PLCL1: variants seen among roughly 807,000 people sequenced by gnomAD.
PLCL1 encodes the protein phospholipase C like 1 (inactive).
A neutral mutation model predicts 84.4 loss-of-function variants in PLCL1; 41 were observed. That is an observed-to-expected ratio of 0.49 (90% CI 0.38 to 0.63). The LOEUF (loss-of-function observed/expected upper bound fraction) is 0.63, where lower values mean the gene tolerates loss of function less well. PLCL1 is among the 30% of genes least tolerant of loss of function. PLCL1 has a pLI of 0.00. For synonymous variants in PLCL1, 490 were observed against 488.3 expected (o/e 1.00, Z -0.05); for missense variants, 1,206 against 1,367.8 (o/e 0.88, Z 1.87).
At chr2:197,986,680 A>C (rs1391445960) in intron 1 of PLCL1, among the ~76,000 whole-genome samples, 1 of 152,192 alleles carries the variant, frequency 6.6e-6, no homozygotes, top group African/African-American at 2.4e-5. Context: ...ATTTAACATC[A>C]GATCAATTGC....
At chr2:197,974,546 CTGA>C (rs1393382302) in intron 1 of PLCL1, among the ~76,000 whole-genome samples, 1 of 152,220 alleles carries the variant, frequency 6.6e-6, no homozygotes, top group African/African-American at 2.4e-5. Context: ...TTTGCAAGTA[CTGA>C]TGATAGGCTC....
At chr2:198,022,098 G>A (rs771844754) in intron 1 of PLCL1, among the ~76,000 whole-genome samples, 3 of 152,076 alleles carry the variant, frequency 2.0e-5, no homozygotes, top group Non-Finnish European at 4.4e-5. Context: ...ATCAATTAAC[G>A]TAATCCATCA....
chr2:197,910,327 C>T (rs1236468575), intron 1 of PLCL1, among the ~76,000 whole-genome samples: 1 of 152,210 alleles, frequency 6.6e-6, no homozygotes, highest in Non-Finnish European at 1.5e-5. Context: ...GTACCATTCT[C>T]AGAGGACTGT....
At chr2:197,885,601 T>C (rs558773011) in intron 1 of PLCL1, among the ~76,000 whole-genome samples, 2 of 152,286 alleles carry the variant, frequency 1.3e-5, no homozygotes, top group African/African-American at 4.8e-5. Context: ...CCATGCAAGG[T>C]CCCGTCAAGT....
chr2:197,829,083 C>T (rs976281037), intron 1 of PLCL1, among the ~76,000 whole-genome samples: 3 of 152,128 alleles, frequency 2.0e-5, no homozygotes, highest in Non-Finnish European at 1.5e-5. Context: ...TCCAGATAAA[C>T]AGTACATAAG....
chr2:198,075,365 T>G (rs1038459086), intron 1 of PLCL1, among the ~76,000 whole-genome samples: 1 of 152,252 alleles, frequency 6.6e-6, no homozygotes, highest in Admixed American at 6.5e-5. Flanking sequence ...GGCTGCTGAA[T>G]AAATCGTCAG....
chr2:197,899,533 T>C (rs1434089362), intron 1 of PLCL1, among the ~76,000 whole-genome samples: 4 of 152,168 alleles, frequency 2.6e-5, no homozygotes, highest in African/African-American at 7.2e-5. Context: ...AGTCTTCAGC[T>C]AGTATAATCT....
At chr2:197,968,454 A>G (rs1027730400) in intron 1 of PLCL1, among the ~76,000 whole-genome samples, 6 of 152,232 alleles carry the variant, frequency 3.9e-5, no homozygotes, top group Non-Finnish European at 8.8e-5. Flanking sequence ...AATGATAATA[A>G]CAAAAGTATT....
intron 1 of PLCL1, among the ~76,000 whole-genome samples, chr2:197,947,237 A>ATATATATATATATATATATATAT (rs1689294732): frequency 4.9e-5 from 7 of 142,730 alleles, no homozygotes; most frequent in African/African-American, 1.8e-4. Flanking sequence ...TGCTTAGATA[A>ATATATATATATATATATATATAT]ATATATATAT....
intron 1 of PLCL1, among the ~76,000 whole-genome samples, chr2:197,906,841 C>T (rs1009281256): frequency 2.0e-5 from 3 of 152,128 alleles, no homozygotes; most frequent in Admixed American, 2.0e-4. Flanking sequence ...AATGGGAGTT[C>T]ACTCATGATT....
chr2:197,978,333 C>T (rs561439558), intron 1 of PLCL1, among the ~76,000 whole-genome samples: 50 of 152,004 alleles, frequency 3.3e-4, no homozygotes, highest in Non-Finnish European at 5.7e-4. Flanking sequence ...AAAGATTGGC[C>T]GGGCGTGGTG....
rs142301170 is a variant in PLCL1 at position 198,146,864 on chromosome 2, C to G, written c.3190C>G (p.Leu1064Val). The change falls in exon 6 of 6, where the codon CTG becomes GTG. Residue 1064 changes from leucine to valine, a missense_variant. Coordinates refer to ENST00000428675, the MANE Select transcript of PLCL1 (RefSeq NM_006226.4). ...CCAGCTGGCATGCCTGTCCTGTGGA[C>G]TGAGTAAAGCCCCCAGCAGCAGTGC... ...QIQLACLSCGLSKAPSSSAEA... is the reference protein window; with the variant it reads ...QIQLACLSCGVSKAPSSSAEA... The G allele has an allele frequency of 6.2e-7, 1 of 1,613,472 alleles. No homozygotes were observed. The highest frequency in any genetic ancestry group is 8.5e-7 in the Non-Finnish European group (1 of 1,179,738).
chr2:197,899,011 T>G (rs1474380663), intron 1 of PLCL1, among the ~76,000 whole-genome samples: 1 of 152,208 alleles, frequency 6.6e-6, no homozygotes, highest in Non-Finnish European at 1.5e-5. Context: ...AGCATATTTC[T>G]GTCTCCTTTT....
chr2:197,834,211 C>T (rs1178220182), intron 1 of PLCL1, among the ~76,000 whole-genome samples: 1 of 152,086 alleles, frequency 6.6e-6, no homozygotes, highest in East Asian at 1.9e-4. Flanking sequence ...CCATAAAAAA[C>T]CTAGGCAATA....
chr2:197,809,893 A>C (rs995607902), intron 1 of PLCL1, among the ~76,000 whole-genome samples: 1 of 151,944 alleles, frequency 6.6e-6, no homozygotes, highest in African/African-American at 2.4e-5. Context: ...AAATTAGTTA[A>C]AAATTTTAGG....
chr2:197,959,303 G>A (rs1390467648), intron 1 of PLCL1, among the ~76,000 whole-genome samples: 1 of 151,988 alleles, frequency 6.6e-6, no homozygotes, highest in Non-Finnish European at 1.5e-5. Flanking sequence ...TCTGAAATCA[G>A]TCTTCTCCAG....
chr2:197,979,571 C>G (rs1218764166), intron 1 of PLCL1, among the ~76,000 whole-genome samples: 1 of 152,192 alleles, frequency 6.6e-6, no homozygotes, highest in Non-Finnish European at 1.5e-5. Context: ...CACTTCTCTG[C>G]TTACGCACAT....
chr2:198,147,361 G>A lies in PLCL1; in HGVS notation c.*399G>A, dbSNP rs1259760956. The A allele has an allele frequency of 6.5e-6, 1 of 153,682 alleles. No homozygotes were observed. The highest frequency in any genetic ancestry group is 1.4e-5 in the Non-Finnish European group (1 of 69,040). 9.5% of individuals were successfully genotyped at this position (153,682 alleles called of 1,614,324 possible). On this transcript the variant is annotated 3_prime_UTR_variant, in exon 6 of 6. Coordinates refer to ENST00000428675, the MANE Select transcript of PLCL1 (RefSeq NM_006226.4). ...TTGTTTTAATCTGAAATTCTAAAGA[G>A]CACTTACTGTAACCTGTTGCTGTGT... is the stretch of plus-strand genomic sequence containing the variant.
chr2:197,890,989 G>A (rs1688016519), intron 1 of PLCL1, among the ~76,000 whole-genome samples: 1 of 150,806 alleles, frequency 6.6e-6, no homozygotes, highest in Non-Finnish European at 1.5e-5. Context: ...TGGTTGTACT[G>A]TAATTAATTT....
Sources: allele counts gnomAD v4.1 joint callset (sites outside exome capture counted in the v4.1 genomes callset), GRCh38; gene constraint gnomAD v4.1.1; transcripts MANE v1.5; gene names NCBI Gene and HGNC (gene_info 2026-07-23, HGNC 2026-07-21).